ODF2: variants seen among roughly 807,000 people sequenced by gnomAD.
The protein encoded by ODF2 is outer dense fiber of sperm tails 2.
Under a neutral mutation model 110.2 loss-of-function variants are expected in ODF2, and 47 were observed. That is an observed-to-expected ratio of 0.43 (90% CI 0.34 to 0.54). ODF2 has a LOEUF of 0.54. Among genes scored for constraint, ODF2 ranks in the 20% least tolerant of loss-of-function variants. The pLI is 0.03. For missense variants in ODF2, 812 were observed against 1,054.5 expected, an observed-to-expected ratio of 0.77 and a Z score of 3.19; for synonymous variants, 352 against 397.7, an observed-to-expected ratio of 0.89 and a Z score of 1.37.
At position 128,497,439 on chromosome 9, in the gene ODF2, AAAAAAAAATATATATATATAT is replaced by A. The variant is rs1258694690; in HGVS notation, c.2013-972_2013-952del. On this transcript the variant is annotated intron_variant, in intron 18 of 20. Coordinates refer to ENST00000604420, the Ensembl canonical transcript of ODF2. The stretch of plus-strand genomic sequence containing the variant: ...CGTCTCTACTAAAAAAAAAAAAAAA[AAAAAAAAATATATATATATAT>A]ATATATATATATATATATATATATA... 7 of 95,706 alleles carry A rather than the reference AAAAAAAAATATATATATATAT, an allele frequency of 7.3e-5. 1 individual carries two copies. Among genetic ancestry groups the A allele is most frequent in the African/African-American group, 4.0e-4 (7 of 17,468 alleles). 5.9% of individuals were successfully genotyped at this position (95,706 alleles called of 1,614,324 possible). A position where few individuals can be genotyped will look rare whatever the true frequency, so the allele number is the denominator to read the frequency against.
intron 8 of ODF2, among the ~76,000 whole-genome samples, chr9:128,476,121 G>T (rs2131857859): frequency 6.6e-6 from 1 of 152,122 alleles, no homozygotes; most frequent in East Asian, 1.9e-4. Flanking sequence ...TTCATCTGTT[G>T]ATGGACACTT....
exon 12 of ODF2, chr9:128,484,725 C>G (rs986933695): frequency 6.3e-7 from 1 of 1,583,676 alleles, no homozygotes; most frequent in Non-Finnish European, 8.6e-7. Flanking sequence ...CGGGAATCAG[C>G]ATAAGGCAGA....
chr9:128,463,620 G>A lies in ODF2; in HGVS notation c.249+2553G>A, dbSNP rs556921823. On this transcript the variant is annotated intron_variant, in intron 4 of 20. Coordinates refer to ENST00000604420, the Ensembl canonical transcript of ODF2. ...CAAAAAGATTGAGACAGATATTTAT[G>A]CATGATAATGAAGCATGGAGATGCA... is the stretch of plus-strand genomic sequence containing the variant. Among the ~76,000 whole-genome samples, 6 of 152,180 alleles carry A rather than the reference G, an allele frequency of 3.9e-5. No homozygotes were observed. In the South Asian group the frequency reaches 1.2e-3, roughly 31 times the overall value.
At chr9:128,463,552 T>C (rs75357815) in intron 4 of ODF2, among the ~76,000 whole-genome samples, 3,931 of 152,290 alleles carry the variant, frequency 0.026, 167 homozygotes, top group African/African-American at 0.09. Context: ...ATTATGTCAC[T>C]GCACTGCAGC....
rs1391543948 is a variant in ODF2, at chr9:128,473,727, C to G, written c.829C>G (p.Gln277Glu). The change falls in exon 8 of 21, where the codon CAG (glutamine) becomes GAG (glutamate). Residue 277 changes from glutamine to glutamate, a missense_variant. Around this residue, in one of 5 missense-constraint regions of ODF2, gnomAD observed 219 missense variants for 321.3 expected, o/e 0.68. Coordinates refer to ENST00000604420, the Ensembl canonical transcript of ODF2. ...CACCCTCCGAGACCTCCTGAGGGAACAGCACTGCAAAGAGGTGAGCTTGGG... is the reference window on the plus strand; with the variant it reads ...CACCCTCCGAGACCTCCTGAGGGAAGAGCACTGCAAAGAGGTGAGCTTGGG... The G allele has an allele frequency of 3.1e-6, 5 of 1,613,364 alleles. No homozygotes were observed. The Admixed American group carries it at 6.7e-5, about 22-fold the overall frequency.
chr9:128,498,226 T>C, intron 18 of ODF2, 187 bp from the exon 19 acceptor site: 4 of 783,808 alleles, frequency 5.1e-6, no homozygotes, highest in South Asian at 3.1e-5. Context: ...CTCTAACCAG[T>C]TGCTCCAGCT....
chr9:128,461,709 A>G (rs4836613), intron 4 of ODF2, among the ~76,000 whole-genome samples: 150,480 of 152,284 alleles, frequency 0.99, 74,374 homozygotes, highest in Middle Eastern at 1. Context: ...GTGAGCCACC[A>G]CAGCCAGCCT....
At chr9:128,484,005 A>G (rs1842912883) in exon 11 of ODF2, 6 of 1,613,672 alleles carry the variant, frequency 3.7e-6, no homozygotes, top group Non-Finnish European at 5.1e-6. Context: ...TTGCAGGCAC[A>G]GCTTCGGTCC....
chr9:128,480,805 G>A (rs550093211), intron 8 of ODF2, among the ~76,000 whole-genome samples: 14 of 150,352 alleles, frequency 9.3e-5, no homozygotes, highest in African/African-American at 2.9e-4. Context: ...GGACAAGAGC[G>A]AGACTTCCTC....
downstream of ODF2, chr9:128,500,959 T>TAA (rs1216795237): frequency 3.1e-4 from 47 of 152,352 alleles, no homozygotes; most frequent in African/African-American, 1.1e-3. Context: ...TGTAATCAGT[T>TAA]ATTTAAGGCT....
Position 128,460,671 on chromosome 9 carries a change from G to T in ODF2, c.124-271G>T, listed in dbSNP as rs1484200646. 1 of 1,614,004 alleles carries T rather than the reference G, an allele frequency of 6.2e-7. No individual in the cohort carries two copies. The highest frequency in any genetic ancestry group is 1.7e-5 in the Admixed American group (1 of 59,992). On this transcript the variant is annotated intron_variant, in intron 3 of 20. Coordinates refer to ENST00000604420, the Ensembl canonical transcript of ODF2. ...CCATCAGCGACCAGCAGCCAGGTAG[G>T]AGCATGCCAGTGGGGCGAGGTAGTA...
intron 8 of ODF2, among the ~76,000 whole-genome samples, chr9:128,478,709 A>G (rs1213635435): frequency 1.3e-5 from 2 of 151,882 alleles, no homozygotes; most frequent in Non-Finnish European, 2.9e-5. Context: ...AGGGTCAGCT[A>G]ATTTGAATTC....
intron 2 of ODF2, among the ~76,000 whole-genome samples, chr9:128,457,872 A>G (rs1036185877): frequency 1.3e-5 from 2 of 151,920 alleles, no homozygotes; most frequent in African/African-American, 4.8e-5. Flanking sequence ...ATGATTAGGG[A>G]AAAAAGCCTG....
chr9:128,473,478 G>A, intron 7 of ODF2, 132 bp from the exon 8 acceptor site: 6 of 1,411,480 alleles, frequency 4.3e-6, no homozygotes, highest in South Asian at 1.4e-5. Flanking sequence ...ACCTGCCCTT[G>A]ATCACCTTGG....
chr9:128,466,284 GAC>G (rs1220120849), intron 4 of ODF2, among the ~76,000 whole-genome samples: 4 of 151,940 alleles, frequency 2.6e-5, no homozygotes, highest in African/African-American at 9.7e-5. Context: ...TGGACAATGT[GAC>G]GAAACCGTAT....
intron 8 of ODF2, among the ~76,000 whole-genome samples, chr9:128,478,815 A>C (rs949764630): frequency 6.6e-6 from 1 of 151,434 alleles, no homozygotes; most frequent in African/African-American, 2.4e-5. Flanking sequence ...CTTGCTGGGT[A>C]GTGCTCAGTG....
At chr9:128,476,089 TA>T (rs2131857080) in intron 8 of ODF2, among the ~76,000 whole-genome samples, 1 of 25,736 alleles carries the variant, frequency 3.9e-5, no homozygotes, top group Admixed American at 6.9e-4. Flanking sequence ...TTCCATTGTG[TA>T]TCTCTACTGC....
chr9:128,469,891 G>T (rs1839278596), intron 5 of ODF2, among the ~76,000 whole-genome samples: 1 of 141,544 alleles, frequency 7.1e-6, no homozygotes, highest in Non-Finnish European at 1.5e-5. Flanking sequence ...GGCTGAGGTG[G>T]TAGAATTGCT....
chr9:128,460,363 T>C (rs1836107964), intron 3 of ODF2, 187 bp from the exon 3 acceptor site: 6 of 1,415,302 alleles, frequency 4.2e-6, no homozygotes, highest in Non-Finnish European at 3.8e-6. Context: ...TGCTGGGATC[T>C]CTGCAGGAGC....
Sources: gnomAD v4.1 joint callset for allele counts (sites outside exome capture counted in the v4.1 genomes callset) on GRCh38, gnomAD v4.1.1 for gene constraint, gnomAD v4.1.1 regional missense constraint, MANE v1.5 for transcripts, NCBI Gene and HGNC (gene_info 2026-07-23, HGNC 2026-07-21) for gene names.